KCNH5: variants seen among roughly 807,000 people sequenced by gnomAD.
KCNH5 encodes the protein voltage-gated delayed rectifier potassium channel KCNH5.
A neutral mutation model predicts 96.1 loss-of-function variants in KCNH5; 46 were observed. The ratio of observed to expected loss-of-function variants is 0.48; its 90% confidence interval spans 0.38 to 0.61. The LOEUF (loss-of-function observed/expected upper bound fraction) is 0.61. Among genes scored for constraint, KCNH5 ranks in the 20% least tolerant of loss-of-function variants. The probability of loss-of-function intolerance (pLI) is 0.00; values close to 1 mark genes in which losing one functional copy is unlikely to be tolerated. For missense variants in KCNH5, 907 were observed against 1,225.8 expected (o/e 0.74, Z 3.88); for synonymous variants, 439 against 449.8 (o/e 0.98, Z 0.30).
intron 10 of KCNH5, among the ~76,000 whole-genome samples, chr14:62,751,030 G>T (rs1885487913): frequency 6.6e-6 from 1 of 152,014 alleles, no homozygotes; most frequent in African/African-American, 2.4e-5. Flanking sequence ...GGTGCCTGTG[G>T]GTTTAGGCAA....
intron 7 of KCNH5, among the ~76,000 whole-genome samples, chr14:62,869,983 T>C (rs557873728): frequency 6.3e-5 from 9 of 143,676 alleles, no homozygotes; most frequent in African/African-American, 2.7e-4. Flanking sequence ...ATGTCATTAC[T>C]TTTAATGGCA....
intron 10 of KCNH5, among the ~76,000 whole-genome samples, chr14:62,733,279 G>A (rs546823925): frequency 3.2e-3 from 481 of 152,138 alleles, no homozygotes; most frequent in Non-Finnish European, 5.4e-3. Context: ...ATTTGAAGAC[G>A]AATTAGTCCA....
At chr14:62,716,628 T>C (rs1052231684) in intron 10 of KCNH5, among the ~76,000 whole-genome samples, 2 of 152,190 alleles carry the variant, frequency 1.3e-5, no homozygotes, top group African/African-American at 2.4e-5. Flanking sequence ...CTTTATAAGG[T>C]AGTTCTAGCT....
At position 62,920,461 on chromosome 14, in the gene KCNH5, G is replaced by T. The variant is rs1012006551; in HGVS notation, c.1369+29672C>A. Among the ~76,000 whole-genome samples the T allele has an allele frequency of 1.1e-4, 16 of 152,036 alleles. 1 individual carries two copies. Among genetic ancestry groups the T allele is most frequent in the Admixed American group, 8.5e-4 (13 of 15,240 alleles). ...TATTCCAATGTGTCAACTGTGCTAA[G>T]TGCTAGGCTTATAATGGGGTACAAA... is the stretch of plus-strand genomic sequence containing the variant. On this transcript the variant is annotated intron_variant, in intron 7 of 10. Transcript: ENST00000322893.
At chr14:62,780,130 T>A (rs894000191) in intron 9 of KCNH5, among the ~76,000 whole-genome samples, 1 of 152,164 alleles carries the variant, frequency 6.6e-6, no homozygotes, top group Non-Finnish European at 1.5e-5. Context: ...TTGATGAAAA[T>A]CTGGAGTGGC....
chr14:63,027,968 G>A (rs1365312151), intron 1 of KCNH5, among the ~76,000 whole-genome samples: 1 of 152,036 alleles, frequency 6.6e-6, no homozygotes, highest in Non-Finnish European at 1.5e-5. Context: ...CACTACATGA[G>A]AGGTACTCTA....
At chr14:62,846,146 GTTTTT>G (rs1256436293) in intron 8 of KCNH5, among the ~76,000 whole-genome samples, 1 of 151,776 alleles carries the variant, frequency 6.6e-6, no homozygotes, top group African/African-American at 2.4e-5. Context: ...TTGTTTGTTT[GTTTTT>G]TTAAGTTTTA....
chr14:63,017,042 G>T (rs965282484), intron 1 of KCNH5, 88 bp from the exon 2 acceptor site: 14 of 1,241,902 alleles, frequency 1.1e-5, no homozygotes, highest in Non-Finnish European at 1.6e-5. Context: ...AACTTATAAA[G>T]ATGGACACAT....
intron 10 of KCNH5, among the ~76,000 whole-genome samples, chr14:62,727,970 A>T (rs894486544): frequency 6.7e-6 from 1 of 149,424 alleles, no homozygotes; most frequent in Non-Finnish European, 1.5e-5. Flanking sequence ...TGCATAGCAC[A>T]CGAGATACTC....
chr14:62,862,176 T>A (rs1340123653), intron 7 of KCNH5, among the ~76,000 whole-genome samples: 1 of 152,226 alleles, frequency 6.6e-6, no homozygotes, highest in Non-Finnish European at 1.5e-5. Flanking sequence ...GTGTTACTAT[T>A]ATGCTTACTT....
intron 7 of KCNH5, among the ~76,000 whole-genome samples, chr14:62,911,855 T>G (rs1889162271): frequency 6.6e-6 from 1 of 151,636 alleles, no homozygotes. Flanking sequence ...GCCAACATAG[T>G]AACACCCCGT....
chr14:62,879,649 T>G (rs2140074725), intron 7 of KCNH5, among the ~76,000 whole-genome samples: 1 of 152,312 alleles, frequency 6.6e-6, no homozygotes, highest in African/African-American at 2.4e-5. Flanking sequence ...TATTACTATC[T>G]GTAGCGTGAT....
chr14:62,866,274 A>G lies in KCNH5; in HGVS notation c.1370-16422T>C, dbSNP rs140734133. Among the ~76,000 whole-genome samples the G allele has an allele frequency of 3.9e-3, 596 of 152,326 alleles. 1 individual carries two copies. Among genetic ancestry groups the G allele is most frequent in the South Asian group, 0.01 (50 of 4,826 alleles). On this transcript the variant is annotated intron_variant, in intron 7 of 10. Coordinates refer to ENST00000322893, the MANE Select transcript of KCNH5 (RefSeq NM_139318.5). ...GGTTTAATAGGTTTCAAAGAGTGTA[A>G]GTTTTGACTTGATAAAATTATCCCC...
Position 62,706,917 on chromosome 14 carries a change from T to C in KCNH5, c.*591A>G, listed in dbSNP as rs1183722804. On this transcript the variant is annotated 3_prime_UTR_variant, in exon 11 of 11. Transcript: ENST00000322893. ...AAATGTAATTCATGCACAAAACCCA[T>C]AGCAATAAGTTTTCAATATCCCACA... 1 of 152,146 alleles carries C rather than the reference T, an allele frequency of 6.6e-6. No homozygotes were observed. Among genetic ancestry groups the C allele is most frequent in the Non-Finnish European group, 1.5e-5 (1 of 68,010 alleles). The allele number at this position is 152,146 out of a possible 1,614,324, so 9.4% of individuals were successfully genotyped here. A position where few individuals can be genotyped will look rare whatever the true frequency, so the allele number is the denominator to read the frequency against.
At chr14:62,792,517 T>G (rs1886455878) in intron 9 of KCNH5, among the ~76,000 whole-genome samples, 2 of 151,586 alleles carry the variant, frequency 1.3e-5, no homozygotes, top group South Asian at 4.1e-4. Flanking sequence ...AATATATGCC[T>G]AAATCAAGAA....
intron 10 of KCNH5, among the ~76,000 whole-genome samples, chr14:62,724,458 T>C (rs1460277662): frequency 6.6e-6 from 1 of 152,202 alleles, no homozygotes; most frequent in East Asian, 1.9e-4. Flanking sequence ...TTATACTCCT[T>C]AAATTATTCC....
At chr14:62,854,137 T>G (rs1181956910) in intron 7 of KCNH5, among the ~76,000 whole-genome samples, 3 of 152,124 alleles carry the variant, frequency 2.0e-5, no homozygotes. Flanking sequence ...TATCATAATT[T>G]ATCACTACTT....
At chr14:63,022,831 T>C (rs763693999) in intron 1 of KCNH5, among the ~76,000 whole-genome samples, 13 of 152,182 alleles carry the variant, frequency 8.5e-5, no homozygotes, top group Non-Finnish European at 1.5e-4. Context: ...ATCCCTGTTA[T>C]ATAATTTTTT....
At chr14:62,818,120 T>TGGGGGGGGGGGGGGGGGG (rs1887037369) in intron 8 of KCNH5, among the ~76,000 whole-genome samples, 2 of 54,852 alleles carry the variant, frequency 3.6e-5, no homozygotes, top group Non-Finnish European at 6.9e-5. Context: ...GGGGGGGGGG[T>TGGGGGGGGGGGGGGGGGG]GGAAGAAATG....
Sources: allele counts gnomAD v4.1 joint callset (sites outside exome capture counted in the v4.1 genomes callset), GRCh38; gene constraint gnomAD v4.1.1; transcripts MANE v1.5; gene names NCBI Gene and HGNC (gene_info 2026-07-23, HGNC 2026-07-21).